LPP: variants seen among roughly 807,000 people sequenced by gnomAD.
LPP encodes the protein LIM domain containing preferred translocation partner in lipoma, also known as lipoma-preferred partner.
In LPP, 38 loss-of-function variants were observed where a neutral mutation model predicts 60.4. That is an observed-to-expected ratio of 0.63 (90% confidence interval 0.49 to 0.83). The LOEUF (loss-of-function observed/expected upper bound fraction) is 0.83, where lower values mean the gene tolerates loss of function less well. Ranked by LOEUF, LPP falls within the 40% of genes least tolerant of loss-of-function variation. The pLI is 0.00. For missense variants in LPP, 902 were observed against 783.6 expected, an observed-to-expected ratio of 1.15 and a Z score of -1.80; for synonymous variants, 328 against 290.8, an observed-to-expected ratio of 1.13 and a Z score of -1.30.
intron 4 of LPP, among the ~76,000 whole-genome samples, chr3:188,451,526 A>G (rs1334592415): frequency 6.6e-6 from 1 of 152,238 alleles, no homozygotes; most frequent in East Asian, 1.9e-4. Context: ...CTTGGGAACA[A>G]AATTGTGAAC....
intron 8 of LPP, among the ~76,000 whole-genome samples, chr3:188,716,137 A>G (rs1713897160): frequency 6.6e-6 from 1 of 152,130 alleles, no homozygotes; most frequent in South Asian, 2.1e-4. Flanking sequence ...ATCTCTGAGT[A>G]TTGTTAGTAG....
intron 4 of LPP, among the ~76,000 whole-genome samples, chr3:188,437,642 A>G (rs1459901364): frequency 6.6e-6 from 1 of 152,194 alleles, no homozygotes; most frequent in Non-Finnish European, 1.5e-5. Flanking sequence ...TTCACTTAAT[A>G]CTACAGAATA....
intron 2 of LPP, among the ~76,000 whole-genome samples, chr3:188,275,388 C>T (rs1235785996): frequency 6.6e-6 from 1 of 152,156 alleles, no homozygotes; most frequent in Non-Finnish European, 1.5e-5. Flanking sequence ...GAGGTCTCCC[C>T]TCCCTCTGTT....
intron 3 of LPP, among the ~76,000 whole-genome samples, chr3:188,376,038 A>G (rs886442697): frequency 3.9e-5 from 6 of 152,026 alleles, no homozygotes; most frequent in Non-Finnish European, 8.8e-5. Context: ...TTAATCCTGA[A>G]TTCTAGTTTG....
intron 4 of LPP, among the ~76,000 whole-genome samples, chr3:188,448,235 T>C (rs1795738736): frequency 1.3e-5 from 2 of 152,140 alleles, no homozygotes; most frequent in Admixed American, 6.5e-5. Context: ...TTTAGGAGGT[T>C]TGGGAACGTG....
intron 9 of LPP, among the ~76,000 whole-genome samples, chr3:188,815,907 G>A (rs981089928): frequency 6.6e-6 from 1 of 152,104 alleles, no homozygotes; most frequent in Non-Finnish European, 1.5e-5. Flanking sequence ...TCATTACTGG[G>A]GTCTTTGTAT....
chr3:188,590,126 T>C (rs1248485426), intron 6 of LPP, among the ~76,000 whole-genome samples: 1 of 152,180 alleles, frequency 6.6e-6, no homozygotes, highest in Non-Finnish European at 1.5e-5. Context: ...ATGTAAAAAG[T>C]TGAAGCAGAT....
At chr3:188,661,815 C>T (rs1400413657) in intron 7 of LPP, among the ~76,000 whole-genome samples, 4 of 152,154 alleles carry the variant, frequency 2.6e-5, no homozygotes, top group Non-Finnish European at 5.9e-5. Context: ...TAGGCTTAAG[C>T]GACTAACTTG....
At chr3:188,631,762 T>C (rs1039545648) in intron 7 of LPP, among the ~76,000 whole-genome samples, 8 of 152,174 alleles carry the variant, frequency 5.3e-5, no homozygotes, top group South Asian at 2.1e-4. Flanking sequence ...CCCAGGCACA[T>C]TGAAGCATTC....
intron 1 of LPP, among the ~76,000 whole-genome samples, chr3:188,185,811 C>T (rs1177418097): frequency 6.6e-6 from 1 of 152,174 alleles, no homozygotes; most frequent in Non-Finnish European, 1.5e-5. Flanking sequence ...TTTGTGTTTA[C>T]ACCCCTCTCA....
At chr3:188,174,304 T>A (rs1364711373) in intron 1 of LPP, among the ~76,000 whole-genome samples, 1 of 152,254 alleles carries the variant, frequency 6.6e-6, no homozygotes, top group East Asian at 1.9e-4. Context: ...TGTTACAGTC[T>A]GACTTTCACA....
At chr3:188,511,290 T>G (rs1815555216) in intron 5 of LPP, among the ~76,000 whole-genome samples, 1 of 97,578 alleles carries the variant, frequency 1.0e-5, no homozygotes, top group African/African-American at 4.0e-5. Context: ...TTCCCTCCCT[T>G]CCTTCCCTCC....
chr3:188,751,631 A>C (rs1345268359), intron 8 of LPP, among the ~76,000 whole-genome samples: 1 of 152,208 alleles, frequency 6.6e-6, no homozygotes, highest in East Asian at 1.9e-4. Flanking sequence ...TTAAGTGGAC[A>C]GATGTAAAGT....
At chr3:188,438,289 T>C (rs1471335965) in intron 4 of LPP, among the ~76,000 whole-genome samples, 1 of 151,274 alleles carries the variant, frequency 6.6e-6, no homozygotes, top group Non-Finnish European at 1.5e-5. Context: ...GTAGCTGTGG[T>C]AATTATAATG....
intron 8 of LPP, among the ~76,000 whole-genome samples, chr3:188,720,160 C>T (rs1439927427): frequency 1.3e-5 from 2 of 152,202 alleles, no homozygotes; most frequent in Admixed American, 1.3e-4. Flanking sequence ...ATCTGCCAGC[C>T]TTGGCCTCCC....
chr3:188,399,261 A>G (rs1313341791), intron 3 of LPP, among the ~76,000 whole-genome samples: 4 of 152,208 alleles, frequency 2.6e-5, no homozygotes, highest in African/African-American at 9.6e-5. Context: ...GGAGAGCCGT[A>G]TAGCCCAGAG....
chr3:188,239,846 T>C (rs1465660465), intron 2 of LPP: 2 of 214,180 alleles, frequency 9.3e-6, no homozygotes, highest in Non-Finnish European at 9.4e-6. Context: ...TAAACACCAA[T>C]ACAGTCAAGA....
chr3:188,321,347 A>C (rs189723397), intron 2 of LPP, among the ~76,000 whole-genome samples: 1 of 152,250 alleles, frequency 6.6e-6, no homozygotes, highest in Non-Finnish European at 1.5e-5. Flanking sequence ...TTGTAAAATA[A>C]TTTTTTTCAA....
chr3:188,802,266 A>G (rs1416947837), intron 9 of LPP, among the ~76,000 whole-genome samples: 1 of 152,198 alleles, frequency 6.6e-6, no homozygotes. Flanking sequence ...ATTATAACTC[A>G]TGGAATCAAT....
Sources: allele counts gnomAD v4.1 joint callset (sites outside exome capture counted in the v4.1 genomes callset), GRCh38; gene constraint gnomAD v4.1.1; transcripts MANE v1.5; gene names NCBI Gene and HGNC (gene_info 2026-07-23, HGNC 2026-07-21).